NCAPG2: variants seen among roughly 807,000 people sequenced by gnomAD.
NCAPG2 encodes non-SMC condensin II complex subunit G2.
NCAPG2 carries 53 observed loss-of-function variants against 141.1 expected under a neutral mutation model. That is an observed-to-expected ratio of 0.38 (90% CI 0.30 to 0.47). The LOEUF (loss-of-function observed/expected upper bound fraction) is 0.47. NCAPG2 is among the 20% of genes least tolerant of loss of function. The pLI is 0.99. For missense variants in NCAPG2, 1,087 were observed against 1,389.0 expected (o/e 0.78, Z 3.46); for synonymous variants, 499 against 490.7 (o/e 1.02, Z -0.22).
chr7:158,682,881 T>C (rs1834529002), intron 9 of NCAPG2, among the ~76,000 whole-genome samples: 1 of 152,188 alleles, frequency 6.6e-6, no homozygotes, highest in Admixed American at 6.5e-5. Context: ...ATTCTGAGAT[T>C]ACCTTTACAG....
Position 158,654,719 on chromosome 7 carries a change from C to T in NCAPG2, c.2647-25G>A, listed in dbSNP as rs747516448. ...TCTGTAAGAGACAGACACAGCTTAG[C>T]AACAAAGGCCATTTTTAAAAAGGGA... is the stretch of plus-strand genomic sequence containing the variant. On this transcript the variant is annotated intron_variant, in intron 21 of 27. Transcript: ENST00000356309. The T allele has an allele frequency of 1.9e-6, 3 of 1,597,580 alleles. No homozygotes were observed. In the African/African-American group the frequency reaches 4.0e-5, roughly 22 times the overall value.
At chr7:158,687,236 A>C in intron 7 of NCAPG2, 112 bp downstream of exon 7, 1 of 627,264 alleles carries the variant, frequency 1.6e-6, no homozygotes, top group Non-Finnish European at 2.7e-6. Flanking sequence ...ATAATAAATA[A>C]CGTATTTCTA....
intron 5 of NCAPG2, 28 bp from the exon 6 acceptor site, chr7:158,689,981 C>T: frequency 6.8e-7 from 1 of 1,476,934 alleles, no homozygotes. Flanking sequence ...AATGTGATAC[C>T]TTTTTCAATG....
At chr7:158,636,538 A>G (rs909755143) in intron 27 of NCAPG2, among the ~76,000 whole-genome samples, 1 of 151,604 alleles carries the variant, frequency 6.6e-6, no homozygotes, top group Admixed American at 6.6e-5. Flanking sequence ...AGTAGCTGAG[A>G]TTACAGGCAT....
Position 158,650,945 on chromosome 7 carries a change from G to C in NCAPG2, c.2962C>G (p.His988Asp). ...GACTGAACAGCAGTAATGAACTCAT[G>C]AAGAGGCCTCTGAACAGAATAAAGC... Reference protein sequence around the residue: ...RLLYSVQRPLHEFITAVQSRH... With the variant: ...RLLYSVQRPLDEFITAVQSRH... Residue 988 changes from histidine to aspartate, a missense_variant, in exon 24 of 28, where the codon CAT (histidine) becomes GAT (aspartate). Physicochemically the swap from His to Asp is moderately conservative, Grantham distance 81. Coordinates refer to ENST00000356309, the MANE Select transcript of NCAPG2 (RefSeq NM_017760.7). The C allele has an allele frequency of 6.2e-7, 1 of 1,612,906 alleles. No homozygotes were observed. Among genetic ancestry groups the C allele is most frequent in the East Asian group, 2.2e-5 (1 of 44,836 alleles).
rs1193801902 is a variant in NCAPG2 at position 158,697,975 on chromosome 7, A to C, written c.78+3847T>G. Among the ~76,000 whole-genome samples, 20 of 152,328 alleles carry C rather than the reference A, an allele frequency of 1.3e-4. No individual in the cohort carries two copies. In the East Asian group the frequency reaches 3.9e-3, roughly 29 times the overall value. ...GAGGAGGGAGAGGATCAGGAAAAATAACTAATATAACTAAATAACTAAAAA... is the reference window on the plus strand; with the variant it reads ...GAGGAGGGAGAGGATCAGGAAAAATCACTAATATAACTAAATAACTAAAAA... On this transcript the variant is annotated intron_variant, in intron 2 of 27. Transcript: ENST00000356309.
intron 4 of NCAPG2, among the ~76,000 whole-genome samples, chr7:158,692,534 G>A (rs964972378): frequency 5.3e-5 from 8 of 152,188 alleles, no homozygotes; most frequent in Non-Finnish European, 2.9e-5. Context: ...CTGAGGTCAG[G>A]AGTTTGAGAC....
At chr7:158,679,840 T>A in intron 11 of NCAPG2, 120 bp downstream of exon 11, 1 of 1,323,342 alleles carries the variant, frequency 7.6e-7, no homozygotes, top group Non-Finnish European at 1.0e-6. Flanking sequence ...TTAGAAACCA[T>A]GCCATGTGGG....
rs1448898823 is a variant in NCAPG2 at position 158,656,407 on chromosome 7, C to G, written c.2241G>C (p.Val747=). 6.2e-7 allele frequency: 1 copy of G among 1,614,008 alleles called. No homozygotes were observed. The highest frequency in any genetic ancestry group is 8.5e-7 in the Non-Finnish European group (1 of 1,180,026). The change falls in exon 19 of 28, where the codon GTG becomes GTC. Residue 747 remains valine (V), a synonymous_variant. Coordinates refer to ENST00000356309, the MANE Select transcript of NCAPG2 (RefSeq NM_017760.7). Reference sequence around the variant, plus strand: ...TGACTGGGCGTGTGTCATGGATCTGCACCCTACCTTTAGAAGCTGTGTTGC... The same window carrying G: ...TGACTGGGCGTGTGTCATGGATCTGGACCCTACCTTTAGAAGCTGTGTTGC... ...AKSNTASKGR[V]QIHDTRPVKP... is the part of the protein sequence containing the mutation.
intron 15 of NCAPG2, among the ~76,000 whole-genome samples, chr7:158,663,018 T>C (rs1832636428): frequency 6.6e-6 from 1 of 152,166 alleles, no homozygotes; most frequent in Non-Finnish European, 1.5e-5. Context: ...ACAAACACAC[T>C]CTAACAAATT....
chr7:158,664,501 G>T, intron 14 of NCAPG2, 27 bp downstream of exon 14: 1 of 1,603,708 alleles, frequency 6.2e-7, no homozygotes, highest in Non-Finnish European at 8.5e-7. Context: ...AACATAACAA[G>T]AACTGAGAAA....
chr7:158,660,202 G>A (rs895739322), intron 16 of NCAPG2, among the ~76,000 whole-genome samples: 2 of 151,984 alleles, frequency 1.3e-5, no homozygotes, highest in African/African-American at 2.4e-5. Context: ...CTTAGAGAAG[G>A]AAGCAATTTT....
At chr7:158,674,778 G>C (rs1833953308) in intron 12 of NCAPG2, among the ~76,000 whole-genome samples, 2 of 152,236 alleles carry the variant, frequency 1.3e-5, no homozygotes, top group Non-Finnish European at 2.9e-5. Flanking sequence ...CTAAACAGTT[G>C]ATTCCAGTAG....
intron 16 of NCAPG2, among the ~76,000 whole-genome samples, chr7:158,659,098 G>A (rs887958723): frequency 2.0e-5 from 3 of 151,212 alleles, no homozygotes; most frequent in African/African-American, 4.9e-5. Context: ...GGGAGGCTGA[G>A]GCAGCTGGAT....
intron 2 of NCAPG2, among the ~76,000 whole-genome samples, chr7:158,700,447 G>A (rs896942665): frequency 3.9e-5 from 6 of 152,130 alleles, no homozygotes; most frequent in African/African-American, 1.4e-4. Flanking sequence ...AGTTTTCTGT[G>A]ATTTTGTTAA....
chr7:158,702,034 C>T, intron 1 of NCAPG2, 96 bp from the exon 2 acceptor site: 1 of 707,234 alleles, frequency 1.4e-6, no homozygotes, highest in Non-Finnish European at 2.3e-6. Context: ...CAAGAAAATT[C>T]CTCAACCACG....
intron 9 of NCAPG2, among the ~76,000 whole-genome samples, chr7:158,682,135 CTTAA>C (rs757336610): frequency 2.0e-5 from 3 of 152,074 alleles, no homozygotes; most frequent in African/African-American, 7.2e-5. Flanking sequence ...CTTATAATAT[CTTAA>C]TTACTCAGAC....
chr7:158,675,340 C>T (rs1221539023), intron 12 of NCAPG2, 137 bp downstream of exon 12: 12 of 971,520 alleles, frequency 1.2e-5, no homozygotes, highest in Non-Finnish European at 1.7e-5. Flanking sequence ...AAAAACCTTA[C>T]TTTGGATATA....
At position 158,671,542 on chromosome 7, in the gene NCAPG2, A is replaced by G. The variant is rs751178252; in HGVS notation, c.1451T>C (p.Leu484Ser). Residue 484 changes from leucine (L) to serine (S), a missense_variant, in exon 13 of 28, where the codon TTG becomes TCG. Physicochemically the swap from Leu to Ser is moderately radical, Grantham distance 145. Transcript: ENST00000356309. ...KVRVAFVDMLLKIKAVRAAKF... is the reference protein window; with the variant it reads ...KVRVAFVDMLSKIKAVRAAKF... ...AGCAGCCCTCACAGCTTTGATCTTCAACAGCATGTCCACAAAAGCTACCCT... is the reference window on the plus strand; with the variant it reads ...AGCAGCCCTCACAGCTTTGATCTTCGACAGCATGTCCACAAAAGCTACCCT... 6.2e-7 allele frequency: 1 copy of G among 1,614,210 alleles called. No individual in the cohort carries two copies. The highest frequency in any genetic ancestry group is 1.7e-5 in the Admixed American group (1 of 60,028).
Sources: allele counts gnomAD v4.1 joint callset (sites outside exome capture counted in the v4.1 genomes callset), GRCh38; gene constraint gnomAD v4.1.1; transcripts MANE v1.5; gene names NCBI Gene and HGNC (gene_info 2026-07-23, HGNC 2026-07-21).